The following STAG1 variants were observed in gnomAD, a reference collection of about 807,000 sequenced individuals.
STAG1 encodes STAG1 cohesin complex component.
A neutral mutation model predicts 170.9 loss-of-function variants in STAG1; 26 were observed. The observed-to-expected ratio is 0.15, with a 90% CI of 0.11 to 0.21. STAG1 has a LOEUF of 0.21. Ranked by LOEUF, STAG1 falls within the 10% of genes least tolerant of loss-of-function variation. STAG1 has a pLI of 1.00. For synonymous variants in STAG1, 514 were observed against 497.7 expected (o/e 1.03, Z -0.44); for missense variants, 964 against 1,509.5 (o/e 0.64, Z 5.99).
At chr3:136,446,230 C>T (rs891410064) in intron 14 of STAG1, among the ~76,000 whole-genome samples, 2 of 152,030 alleles carry the variant, frequency 1.3e-5, no homozygotes, top group African/African-American at 2.4e-5. Context: ...TTAGGTTTAG[C>T]GCTCAGGTTT....
intron 13 of STAG1, among the ~76,000 whole-genome samples, chr3:136,456,867 T>C (rs2089127625): frequency 1.3e-5 from 2 of 152,278 alleles, no homozygotes; most frequent in South Asian, 2.1e-4. Flanking sequence ...ATTCAAAGTT[T>C]TGAAGAAAGA....
chr3:136,739,500 C>T lies in STAG1; in HGVS notation c.-84+12695G>A, dbSNP rs1412645087. Among the ~76,000 whole-genome samples the T allele has an allele frequency of 3.2e-5, 4 of 124,846 alleles. No homozygotes were observed. The Admixed American group carries it at 3.7e-4, about 11-fold the overall frequency. 81.9% of individuals were successfully genotyped at this position (124,846 alleles called of 152,430 possible). A position where few individuals can be genotyped will look rare whatever the true frequency, so the allele number is the denominator to read the frequency against. On this transcript the variant is annotated intron_variant, in intron 1 of 33. Transcript: ENST00000383202. ...CACTCCAGCATGGGGCAACAGACTC[C>T]GTCAAAAAAAAAAAAAAAAGAAAAA...
At chr3:136,720,482 A>G (rs1041479838) in intron 1 of STAG1, among the ~76,000 whole-genome samples, 1 of 152,166 alleles carries the variant, frequency 6.6e-6, no homozygotes, top group African/African-American at 2.4e-5. Flanking sequence ...GCTCAATAAC[A>G]GTCACAACTA....
chr3:136,522,254 T>C (rs184306963), intron 6 of STAG1, among the ~76,000 whole-genome samples: 1 of 152,154 alleles, frequency 6.6e-6, no homozygotes, highest in East Asian at 1.9e-4. Context: ...TCTACTGGAG[T>C]CATAGGAAAG....
Position 136,464,821 on chromosome 3 carries a change from TAAAACAACAAG to T in STAG1, c.1313+49_1313+59del. On this transcript the variant is annotated intron_variant, in intron 13 of 33. Transcript: ENST00000383202. ...CACTATTACTCTCTTCTACAAACTC[TAAAACAACAAG>T]AAAACAACATAGAAAAGTAGAACCG... The T allele has an allele frequency of 2.8e-6, 4 of 1,430,986 alleles. No individual in the cohort carries two copies. The South Asian group carries it at 3.8e-5, about 13-fold the overall frequency. 88.6% of individuals were successfully genotyped at this position (1,430,986 alleles called of 1,614,324 possible). A position where few individuals can be genotyped will look rare whatever the true frequency, so the allele number is the denominator to read the frequency against.
intron 1 of STAG1, among the ~76,000 whole-genome samples, chr3:136,751,172 G>GT (rs776717703): frequency 0.16 from 21,133 of 135,962 alleles, 1,835 homozygotes; most frequent in South Asian, 0.22. Flanking sequence ...GACAAATTGC[G>GT]TTTTTTTTTT....
intron 1 of STAG1, among the ~76,000 whole-genome samples, chr3:136,657,238 C>G (rs1941416825): frequency 9.1e-6 from 1 of 109,780 alleles, no homozygotes; most frequent in Admixed American, 1.4e-4. Flanking sequence ...TCACTCTTGT[C>G]GTCTAGGCTG....
rs148645495 is a variant in STAG1 at position 136,409,668 on chromosome 3, C to T, written c.2196+8217G>A. On this transcript the variant is annotated intron_variant, in intron 21 of 33. Coordinates refer to ENST00000383202, the MANE Select transcript of STAG1 (RefSeq NM_005862.3). Reference sequence around the variant, plus strand: ...TGACTACATTGAAACTCGCCCCCTACATTACACTCAGTCTGAAGAATGTGT... The same window carrying T: ...TGACTACATTGAAACTCGCCCCCTATATTACACTCAGTCTGAAGAATGTGT... Among the ~76,000 whole-genome samples, 8 of 152,246 alleles carry T rather than the reference C, an allele frequency of 5.3e-5. No homozygotes were observed. The East Asian group carries it at 1.5e-3, about 29-fold the overall frequency.
At chr3:136,612,934 T>C (rs1310448275) in intron 3 of STAG1, among the ~76,000 whole-genome samples, 4 of 152,196 alleles carry the variant, frequency 2.6e-5, no homozygotes, top group Non-Finnish European at 5.9e-5. Flanking sequence ...AGTAAGACTA[T>C]GTTTAGCTTT....
intron 13 of STAG1, among the ~76,000 whole-genome samples, chr3:136,453,713 A>G (rs1330996594): frequency 6.6e-6 from 1 of 152,006 alleles, no homozygotes; most frequent in Non-Finnish European, 1.5e-5. Flanking sequence ...TAGTGAATAA[A>G]CGGTAGATAA....
At chr3:136,419,986 G>A (rs1372533372) in intron 20 of STAG1, among the ~76,000 whole-genome samples, 2 of 151,806 alleles carry the variant, frequency 1.3e-5, no homozygotes, top group African/African-American at 2.4e-5. Context: ...AGTGACTCAC[G>A]TCTGTAATCC....
At chr3:136,496,300 G>A (rs1403184662) in intron 9 of STAG1, among the ~76,000 whole-genome samples, 1 of 152,162 alleles carries the variant, frequency 6.6e-6, no homozygotes, top group Non-Finnish European at 1.5e-5. Context: ...ACTGGTATAA[G>A]ACGCTAGCCA....
intron 1 of STAG1, among the ~76,000 whole-genome samples, chr3:136,742,550 T>TA (rs982496910): frequency 5.9e-5 from 9 of 151,616 alleles, no homozygotes; most frequent in Admixed American, 4.6e-4. Flanking sequence ...CCGTCTCCAC[T>TA]AAAAAAATAC....
chr3:136,462,059 G>A (rs966656444), intron 13 of STAG1, among the ~76,000 whole-genome samples: 1 of 152,006 alleles, frequency 6.6e-6, no homozygotes, highest in African/African-American at 2.4e-5. Flanking sequence ...ATGCTGGCCA[G>A]GATGCAGAGA....
chr3:136,587,301 A>G (rs921427103), intron 4 of STAG1, among the ~76,000 whole-genome samples: 7 of 152,198 alleles, frequency 4.6e-5, no homozygotes, highest in African/African-American at 1.4e-4. Flanking sequence ...ACACTTCGGC[A>G]GGCCGAGGCA....
intron 6 of STAG1, among the ~76,000 whole-genome samples, chr3:136,522,097 C>T (rs1934709374): frequency 6.6e-6 from 1 of 152,188 alleles, no homozygotes; most frequent in Non-Finnish European, 1.5e-5. Context: ...TAGTGTAAGA[C>T]ACTTAAGTAC....
chr3:136,748,144 C>T (rs999058417), intron 1 of STAG1, among the ~76,000 whole-genome samples: 14 of 151,104 alleles, frequency 9.3e-5, no homozygotes, highest in African/African-American at 2.9e-4. Context: ...GTAATCCCAG[C>T]ACTTTGGGAG....
chr3:136,377,513 T>C, intron 23 of STAG1, 147 bp downstream of exon 23: 1 of 578,404 alleles, frequency 1.7e-6, no homozygotes. Flanking sequence ...ATAACATAAA[T>C]TCACACATCT....
chr3:136,593,100 A>G (rs1050343241), intron 4 of STAG1, among the ~76,000 whole-genome samples: 2 of 152,174 alleles, frequency 1.3e-5, no homozygotes, highest in Non-Finnish European at 2.9e-5. Context: ...TTTCTGCCAT[A>G]GCTGGGGTTG....
Sources: gnomAD v4.1 joint callset for allele counts (sites outside exome capture counted in the v4.1 genomes callset) on GRCh38, gnomAD v4.1.1 for gene constraint, MANE v1.5 for transcripts, NCBI Gene and HGNC (gene_info 2026-07-23, HGNC 2026-07-21) for gene names.